Variants in NTRK2 observed in about 807,000 individuals in gnomAD.
NTRK2 encodes the protein neurotrophic receptor tyrosine kinase 2.
NTRK2 carries 13 observed loss-of-function variants against 94.5 expected under a neutral mutation model. The observed-to-expected ratio is 0.14, with a 90% CI of 0.09 to 0.22. NTRK2 has a LOEUF of 0.22. Among genes scored for constraint, NTRK2 ranks in the 10% least tolerant of loss-of-function variants. The probability of loss-of-function intolerance (pLI) is 1.00; values close to 1 mark genes in which losing one functional copy is unlikely to be tolerated. For synonymous variants in NTRK2, 372 were observed against 407.4 expected (o/e 0.91, Z 1.05); for missense variants, 639 against 1,071.2 (o/e 0.60, Z 5.63).
At chr9:84,675,838 G>A (rs191633132) in intron 2 of NTRK2, among the ~76,000 whole-genome samples, 206 of 152,244 alleles carry the variant, frequency 1.4e-3, no homozygotes, top group Non-Finnish European at 2.4e-3. Context: ...ACATTTGATT[G>A]CTGATCAATC....
chr9:85,022,203 A>G lies in NTRK2; in HGVS notation c.*766A>G. Reference sequence around the variant, plus strand: ...AGCAACTGTTAGCTGGGAAGAATGTATTCGGCACCTTCCCCTGAGGACCTT... The same window carrying G: ...AGCAACTGTTAGCTGGGAAGAATGTGTTCGGCACCTTCCCCTGAGGACCTT... On this transcript the variant is annotated 3_prime_UTR_variant, in exon 19 of 19. Coordinates refer to ENST00000277120, the MANE Select transcript of NTRK2 (RefSeq NM_006180.6). The G allele has an allele frequency of 4.3e-6, 1 of 233,304 alleles. No homozygotes were observed. The highest frequency in any genetic ancestry group is 8.5e-6 in the Non-Finnish European group (1 of 118,076). The allele number at this position is 233,304 out of a possible 1,614,324, so 14.5% of individuals were successfully genotyped here.
intron 16 of NTRK2, among the ~76,000 whole-genome samples, chr9:84,949,369 G>A (rs2078701779): frequency 6.6e-6 from 1 of 152,168 alleles, no homozygotes; most frequent in South Asian, 2.1e-4. Context: ...AGAAAATGTT[G>A]ACTATAAAGG....
intron 12 of NTRK2, among the ~76,000 whole-genome samples, chr9:84,776,597 G>A (rs577289027): frequency 6.6e-6 from 1 of 152,336 alleles, no homozygotes; most frequent in East Asian, 1.9e-4. Context: ...AAGTTAGCCT[G>A]CCATGATTTC....
chr9:84,989,425 C>T (rs904469942), intron 17 of NTRK2, among the ~76,000 whole-genome samples: 5 of 152,082 alleles, frequency 3.3e-5, no homozygotes, highest in African/African-American at 9.7e-5. Context: ...TATCTGGTCC[C>T]GTAATATATG....
intron 6 of NTRK2, 101 bp from the exon 7 acceptor site, chr9:84,723,472 A>T: frequency 7.3e-7 from 1 of 1,361,118 alleles, no homozygotes; most frequent in Non-Finnish European, 1.0e-6. Context: ...GCAATTAAAG[A>T]TTGATTTTTA....
chr9:84,673,387 T>C (rs1165787349), intron 2 of NTRK2, among the ~76,000 whole-genome samples: 1 of 152,206 alleles, frequency 6.6e-6, no homozygotes, highest in Non-Finnish European at 1.5e-5. Flanking sequence ...AACCAAATTA[T>C]ACATATTTTA....
chr9:84,720,032 A>G (rs2061961029), intron 6 of NTRK2, among the ~76,000 whole-genome samples: 1 of 151,640 alleles, frequency 6.6e-6, no homozygotes, highest in African/African-American at 2.4e-5. Context: ...AAAAAAAAAA[A>G]AAAAAAAGGG....
intron 12 of NTRK2, among the ~76,000 whole-genome samples, chr9:84,767,745 G>C (rs963418736): frequency 6.6e-6 from 1 of 151,974 alleles, no homozygotes; most frequent in Non-Finnish European, 1.5e-5. Flanking sequence ...CTCTCCTCTG[G>C]TCCTGCATGT....
chr9:84,966,675 C>T (rs1825594476), intron 17 of NTRK2, among the ~76,000 whole-genome samples: 1 of 152,126 alleles, frequency 6.6e-6, no homozygotes, highest in African/African-American at 2.4e-5. Flanking sequence ...TTATGATCTG[C>T]CCCACTCAGC....
intron 2 of NTRK2, among the ~76,000 whole-genome samples, chr9:84,673,189 A>G (rs1173512430): frequency 6.6e-6 from 1 of 152,176 alleles, no homozygotes; most frequent in Non-Finnish European, 1.5e-5. Context: ...TCGTATGACA[A>G]TACTTCTTTG....
In NTRK2 at chr9:84,741,936, C is replaced by T. The variant is rs201773066; in HGVS notation, c.1195+9C>T. 832 of 1,608,366 alleles carry T rather than the reference C, an allele frequency of 5.2e-4. 2 individuals carry two copies. Among genetic ancestry groups the T allele is most frequent in the South Asian group, 9.7e-4 (88 of 90,844 alleles). ...TGATGTAATTTATGAAGGTAGCTAT[C>T]GTGTTTTCTACTTTGTATTTCTTTT... On this transcript the variant is annotated intron_variant, in intron 10 of 18. Transcript: ENST00000277120.
chr9:84,958,686 A>G (rs2133022102), intron 17 of NTRK2, among the ~76,000 whole-genome samples: 1 of 152,350 alleles, frequency 6.6e-6, no homozygotes, highest in South Asian at 2.1e-4. Flanking sequence ...AAGACTGGGT[A>G]GGGAAGTGAA....
At chr9:84,850,479 A>G (rs764111877) in intron 12 of NTRK2, among the ~76,000 whole-genome samples, 3 of 152,212 alleles carry the variant, frequency 2.0e-5, no homozygotes, top group African/African-American at 4.8e-5. Context: ...GAGCCAGGTC[A>G]TGGGGCCAGG....
intron 17 of NTRK2, among the ~76,000 whole-genome samples, chr9:85,006,574 A>G (rs1049334562): frequency 6.6e-6 from 1 of 152,182 alleles, no homozygotes; most frequent in Admixed American, 6.5e-5. Context: ...GGGATGGCCA[A>G]CAGGCTATAC....
intron 12 of NTRK2, among the ~76,000 whole-genome samples, chr9:84,793,906 G>A (rs1308298029): frequency 2.6e-5 from 4 of 152,216 alleles, no homozygotes; most frequent in African/African-American, 7.2e-5. Flanking sequence ...GCAGAGTTGA[G>A]TGACTGCTAT....
chr9:84,985,990 TGCA>T (rs1291567409), intron 17 of NTRK2, among the ~76,000 whole-genome samples: 1 of 152,228 alleles, frequency 6.6e-6, no homozygotes, highest in Non-Finnish European at 1.5e-5. Flanking sequence ...AGCATATTCC[TGCA>T]GCTGGAGCTT....
intron 12 of NTRK2, among the ~76,000 whole-genome samples, chr9:84,795,964 T>C (rs150118309): frequency 1.3e-3 from 201 of 152,220 alleles, no homozygotes; most frequent in African/African-American, 4.7e-3. Flanking sequence ...TTTTCTTTTT[T>C]TTTTTTTTGG....
intron 17 of NTRK2, among the ~76,000 whole-genome samples, chr9:85,003,229 G>C (rs1038731437): frequency 4.6e-5 from 7 of 152,142 alleles, no homozygotes; most frequent in African/African-American, 1.7e-4. Flanking sequence ...CATGGAGGAA[G>C]CAGTCATAAT....
At chr9:84,901,230 T>TTTTATTTTA (rs1321930714) in intron 14 of NTRK2, among the ~76,000 whole-genome samples, 1 of 151,252 alleles carries the variant, frequency 6.6e-6, no homozygotes, top group Non-Finnish European at 1.5e-5. Flanking sequence ...TTTTATTTTA[T>TTTTATTTTA]TTTATTTTTT....
Sources: gnomAD v4.1 joint callset for allele counts (sites outside exome capture counted in the v4.1 genomes callset) on GRCh38, gnomAD v4.1.1 for gene constraint, MANE v1.5 for transcripts, NCBI Gene and HGNC (gene_info 2026-07-23, HGNC 2026-07-21) for gene names.